Variants in FAM210A observed in about 807,000 individuals in gnomAD.
FAM210A encodes the protein family with sequence similarity 210 member A.
Under a neutral mutation model 25.3 loss-of-function variants are expected in FAM210A, and 13 were observed. That is an observed-to-expected ratio of 0.51 (90% CI 0.33 to 0.82). The LOEUF (loss-of-function observed/expected upper bound fraction) is 0.82, where lower values mean the gene tolerates loss of function less well. FAM210A is among the 40% of genes least tolerant of loss of function. The probability of loss-of-function intolerance (pLI) is 0.02; values close to 1 mark genes in which losing one functional copy is unlikely to be tolerated. For synonymous variants in FAM210A, 125 were observed against 118.7 expected, an observed-to-expected ratio of 1.05 and a Z score of -0.35; for missense variants, 319 against 323.2, an observed-to-expected ratio of 0.99 and a Z score of 0.10.
intron 1 of FAM210A, among the ~76,000 whole-genome samples, chr18:13,700,425 C>T (rs994281963): frequency 1.3e-5 from 2 of 152,172 alleles, no homozygotes; most frequent in African/African-American, 2.4e-5. Flanking sequence ...TCTCTGACAC[C>T]GGACCTTTTA....
At chr18:13,675,995 A>T (rs2043495675) in intron 2 of FAM210A, among the ~76,000 whole-genome samples, 1 of 104,954 alleles carries the variant, frequency 9.5e-6, no homozygotes, top group Non-Finnish European at 1.9e-5. Flanking sequence ...CTTTATTTCC[A>T]GTTTCCTGAT....
intron 1 of FAM210A, among the ~76,000 whole-genome samples, chr18:13,717,490 G>A (rs2043870146): frequency 6.6e-6 from 1 of 152,160 alleles, no homozygotes; most frequent in Non-Finnish European, 1.5e-5. Flanking sequence ...CTACAAAGCA[G>A]GGTTTGCAGA....
chr18:13,676,638 T>A (rs2043506168), intron 2 of FAM210A, among the ~76,000 whole-genome samples: 1 of 152,250 alleles, frequency 6.6e-6, no homozygotes. Flanking sequence ...AGTCTACAGT[T>A]AATATATAAT....
chr18:13,716,151 T>C (rs1183851803), intron 1 of FAM210A, among the ~76,000 whole-genome samples: 2 of 152,232 alleles, frequency 1.3e-5, no homozygotes, highest in East Asian at 1.9e-4. Context: ...CATGGCTTCA[T>C]AGTATACAGA....
At chr18:13,669,332 T>C (rs1033817663) in intron 3 of FAM210A, among the ~76,000 whole-genome samples, 1 of 152,176 alleles carries the variant, frequency 6.6e-6, no homozygotes, top group Non-Finnish European at 1.5e-5. Context: ...GTCCTCAGGG[T>C]AAAAAGCAAA....
At chr18:13,672,375 A>G (rs555915397) in intron 2 of FAM210A, among the ~76,000 whole-genome samples, 1 of 152,340 alleles carries the variant, frequency 6.6e-6, no homozygotes, top group Non-Finnish European at 1.5e-5. Context: ...TTTAAGACCT[A>G]AAATTTTTAC....
intron 1 of FAM210A, among the ~76,000 whole-genome samples, chr18:13,725,768 CAA>C (rs1001601132): frequency 2.6e-5 from 4 of 151,786 alleles, no homozygotes; most frequent in African/African-American, 9.7e-5. Context: ...GGGTGATGGC[CAA>C]AAAAAGTGTG....
intron 1 of FAM210A, among the ~76,000 whole-genome samples, chr18:13,684,918 C>A (rs550814278): frequency 7.2e-5 from 11 of 152,252 alleles, no homozygotes; most frequent in South Asian, 2.1e-4. Flanking sequence ...GAACTCCCCC[C>A]ACTCCCAATT....
chr18:13,666,974 G>A lies in FAM210A; in HGVS notation c.586-261C>T, dbSNP rs191941915. 4.4e-3 allele frequency among the ~76,000 whole-genome samples: 670 copies of A among 152,218 alleles called. 6 individuals are homozygous for A. Among genetic ancestry groups the A allele is most frequent in the Non-Finnish European group, 4.1e-3 (278 of 68,016 alleles). On this transcript the variant is annotated intron_variant, in intron 3 of 3. Coordinates refer to ENST00000651643, the MANE Select transcript of FAM210A (RefSeq NM_152352.4). ...AATCATAGCACTGATGTCCCTAATC[G>A]CATGCTAGTAAACTTGGGGGACAGG...
intron 1 of FAM210A, among the ~76,000 whole-genome samples, chr18:13,696,586 A>G (rs1181199670): frequency 6.6e-6 from 1 of 152,206 alleles, no homozygotes. Context: ...CTATTGCTTA[A>G]TGACATCATA....
chr18:13,671,777 G>T, intron 3 of FAM210A, 85 bp downstream of exon 3: 1 of 766,484 alleles, frequency 1.3e-6, no homozygotes, highest in Non-Finnish European at 2.3e-6. Context: ...AAATACAATT[G>T]GAAGCTAACA....
intron 2 of FAM210A, among the ~76,000 whole-genome samples, chr18:13,675,629 GT>G (rs1381719745): frequency 7.3e-6 from 1 of 136,280 alleles, no homozygotes; most frequent in Non-Finnish European, 1.5e-5. Context: ...TTTATTTCCA[GT>G]TTCCTGATTA....
chr18:13,716,369 A>G (rs1475109414), intron 1 of FAM210A, among the ~76,000 whole-genome samples: 4 of 152,204 alleles, frequency 2.6e-5, no homozygotes, highest in Admixed American at 2.6e-4. Flanking sequence ...TCAAAAGGAC[A>G]GGGCTCATAG....
intron 1 of FAM210A, among the ~76,000 whole-genome samples, chr18:13,685,679 ATAC>A (rs1165337650): frequency 2.0e-5 from 3 of 152,196 alleles, no homozygotes; most frequent in Admixed American, 6.5e-5. Context: ...TACCCTACAT[ATAC>A]TGACTGATGT....
intron 1 of FAM210A, among the ~76,000 whole-genome samples, chr18:13,698,116 G>C (rs989672381): frequency 6.6e-6 from 1 of 152,090 alleles, no homozygotes; most frequent in Non-Finnish European, 1.5e-5. Context: ...ACTTTGGGAG[G>C]CTGAGGCAGG....
chr18:13,725,158 G>A (rs1440952203), intron 1 of FAM210A, among the ~76,000 whole-genome samples: 1 of 152,146 alleles, frequency 6.6e-6, no homozygotes, highest in Non-Finnish European at 1.5e-5. Context: ...AGAAACTTAA[G>A]CATCAGGAAC....
At chr18:13,668,074 C>T (rs779481549) in intron 3 of FAM210A, among the ~76,000 whole-genome samples, 2 of 152,112 alleles carry the variant, frequency 1.3e-5, no homozygotes, top group Non-Finnish European at 2.9e-5. Context: ...CGAAACAAAA[C>T]AAAATGCATA....
At chr18:13,677,891 C>A (rs1179464370) in intron 2 of FAM210A, among the ~76,000 whole-genome samples, 1 of 152,068 alleles carries the variant, frequency 6.6e-6, no homozygotes, top group South Asian at 2.1e-4. Context: ...TGTGACTTCA[C>A]CATAATACTA....
chr18:13,669,800 G>A (rs2043427761), intron 3 of FAM210A, among the ~76,000 whole-genome samples: 1 of 152,180 alleles, frequency 6.6e-6, no homozygotes, highest in Non-Finnish European at 1.5e-5. Context: ...AACTCTGGGT[G>A]TATTTCAAAG....
Sources: allele counts gnomAD v4.1 joint callset (sites outside exome capture counted in the v4.1 genomes callset), GRCh38; gene constraint gnomAD v4.1.1; transcripts MANE v1.5; gene names NCBI Gene and HGNC (gene_info 2026-07-23, HGNC 2026-07-21).